The following SLIT3 variants were observed in gnomAD, a reference collection of about 807,000 sequenced individuals.
SLIT3 encodes slit homolog 3 protein.
Under a neutral mutation model 184.0 loss-of-function variants are expected in SLIT3, and 68 were observed. The ratio of observed to expected loss-of-function variants is 0.37; its 90% CI spans 0.30 to 0.45. The LOEUF is 0.45. Ranked by LOEUF, SLIT3 falls within the 20% of genes least tolerant of loss-of-function variation. The probability of loss-of-function intolerance (pLI) is 1.00; values close to 1 mark genes in which losing one functional copy is unlikely to be tolerated. For missense variants in SLIT3, 1,707 were observed against 2,026.0 expected (o/e 0.84, Z 3.02); for synonymous variants, 831 against 828.6 (o/e 1.00, Z -0.05).
At chr5:169,120,402 A>T (rs1760835469) in intron 4 of SLIT3, 2 of 152,286 alleles carry the variant, frequency 1.3e-5, no homozygotes, top group African/African-American at 4.8e-5. Flanking sequence ...CAGCAGAGAG[A>T]GAGGCTTGAA....
intron 8 of SLIT3, among the ~76,000 whole-genome samples, chr5:168,809,565 T>C (rs1757098450): frequency 6.6e-6 from 1 of 152,168 alleles, no homozygotes; most frequent in Non-Finnish European, 1.5e-5. Flanking sequence ...CCATTCCCTG[T>C]GGGCCACGGA....
chr5:168,673,756 T>C (rs922447519), intron 32 of SLIT3, among the ~76,000 whole-genome samples: 1 of 152,224 alleles, frequency 6.6e-6, no homozygotes, highest in Non-Finnish European at 1.5e-5. Flanking sequence ...CAGTTCTGCA[T>C]TGGACCCAAT....
intron 4 of SLIT3, among the ~76,000 whole-genome samples, chr5:169,069,456 G>A (rs1005324637): frequency 3.9e-5 from 6 of 152,152 alleles, no homozygotes; most frequent in African/African-American, 1.4e-4. Flanking sequence ...AGGCAGGCAG[G>A]CTGTGAGCAC....
intron 1 of SLIT3, among the ~76,000 whole-genome samples, chr5:169,267,912 C>A (rs142502069): frequency 7.7e-4 from 118 of 152,336 alleles, no homozygotes; most frequent in Non-Finnish European, 1.5e-3. Flanking sequence ...CAAGTCCAAC[C>A]AGTCACAGAG....
intron 4 of SLIT3, among the ~76,000 whole-genome samples, chr5:168,936,278 T>C (rs1297829079): frequency 6.6e-6 from 1 of 152,182 alleles, no homozygotes; most frequent in Non-Finnish European, 1.5e-5. Flanking sequence ...CTCTGTCACC[T>C]GGCTGGAGTT....
At chr5:169,175,870 C>T (rs777700495) in intron 4 of SLIT3, among the ~76,000 whole-genome samples, 4 of 152,196 alleles carry the variant, frequency 2.6e-5, no homozygotes, top group Non-Finnish European at 4.4e-5. Context: ...AGAGCCATGA[C>T]TATGTCTCCA....
intron 5 of SLIT3, among the ~76,000 whole-genome samples, chr5:168,845,963 C>T (rs1227539945): frequency 6.6e-6 from 1 of 152,106 alleles, no homozygotes; most frequent in Non-Finnish European, 1.5e-5. Flanking sequence ...CTAAACTATC[C>T]CAGGACAACT....
At chr5:168,914,100 C>T (rs1329975148) in intron 4 of SLIT3, among the ~76,000 whole-genome samples, 3 of 152,136 alleles carry the variant, frequency 2.0e-5, no homozygotes, top group African/African-American at 4.8e-5. Flanking sequence ...AGGTTGCTTC[C>T]GGTTTTCTAT....
intron 4 of SLIT3, among the ~76,000 whole-genome samples, chr5:169,186,691 G>T (rs1402328688): frequency 6.6e-6 from 1 of 152,136 alleles, no homozygotes; most frequent in Non-Finnish European, 1.5e-5. Context: ...AATTTGTGTG[G>T]GCTTGGAGCA....
chr5:168,924,159 C>T (rs1761731071), intron 4 of SLIT3, among the ~76,000 whole-genome samples: 1 of 152,234 alleles, frequency 6.6e-6, no homozygotes, highest in African/African-American at 2.4e-5. Context: ...GACCCTTCTG[C>T]TCTGTCATTT....
intron 4 of SLIT3, among the ~76,000 whole-genome samples, chr5:168,962,951 A>T (rs1055193334): frequency 2.0e-5 from 3 of 152,128 alleles, no homozygotes; most frequent in Non-Finnish European, 4.4e-5. Context: ...CTCCATCCAA[A>T]GCAAGTCTCC....
Position 168,671,409 on chromosome 5 carries a change from T to C in SLIT3, c.3916A>G (p.Ile1306Val). ...TCGTTGTTGATGCGCACCTCATGGA[T>C]GCATCCGTGGAAGCCGCCTAGAGGC... ...DRPLGGFHGC[I>V]HEVRINNELQ... The change falls in exon 34 of 36, where the codon ATC becomes GTC. Residue 1306 changes from isoleucine (I) to valine (V), a missense_variant. Coordinates refer to ENST00000519560, the MANE Select transcript of SLIT3 (RefSeq NM_003062.4). 6.2e-7 allele frequency: 1 copy of C among 1,614,050 alleles called. No homozygotes were observed. The highest frequency in any genetic ancestry group is 8.5e-7 in the Non-Finnish European group (1 of 1,179,990).
chr5:169,032,117 C>A (rs2113524894), intron 4 of SLIT3, among the ~76,000 whole-genome samples: 1 of 152,238 alleles, frequency 6.6e-6, no homozygotes, highest in African/African-American at 2.4e-5. Context: ...GGCTAATAAT[C>A]CAAACTCAGC....
chr5:168,789,762 C>T (rs891928), intron 10 of SLIT3, 131 bp from the exon 11 acceptor site: 147,214 of 698,136 alleles, frequency 0.21, 18,491 homozygotes, highest in African/African-American at 0.43. Context: ...AATTCATTTA[C>T]TCATAGTGCA....
At chr5:168,899,747 T>C (rs1581192129) in intron 4 of SLIT3, among the ~76,000 whole-genome samples, 1 of 152,210 alleles carries the variant, frequency 6.6e-6, no homozygotes, top group East Asian at 1.9e-4. Context: ...TTTAAAATCT[T>C]GGTTAAACGC....
chr5:168,782,149 G>A (rs774364067), intron 12 of SLIT3, among the ~76,000 whole-genome samples: 6 of 152,154 alleles, frequency 3.9e-5, no homozygotes, highest in African/African-American at 9.7e-5. Flanking sequence ...GGCAAACTCC[G>A]AGAGCCTCAA....
intron 4 of SLIT3, among the ~76,000 whole-genome samples, chr5:168,930,074 G>A (rs1430253414): frequency 6.6e-6 from 1 of 152,242 alleles, no homozygotes; most frequent in Non-Finnish European, 1.5e-5. Context: ...ACACAGGCCA[G>A]GGAGGTCTCA....
At chr5:168,804,320 A>AC in intron 9 of SLIT3, among the ~76,000 whole-genome samples, 1 of 149,396 alleles carries the variant, frequency 6.7e-6, no homozygotes, top group Admixed American at 6.7e-5. Context: ...CAAAAAAAAA[A>AC]AAAAAAAAAA....
At chr5:168,934,852 G>A (rs914724497) in intron 4 of SLIT3, among the ~76,000 whole-genome samples, 1 of 151,818 alleles carries the variant, frequency 6.6e-6, no homozygotes, top group Non-Finnish European at 1.5e-5. Context: ...CAAGAAGGCT[G>A]GGCGCGGTGG....
Sources: gnomAD v4.1 joint callset for allele counts (sites outside exome capture counted in the v4.1 genomes callset) on GRCh38, gnomAD v4.1.1 for gene constraint, MANE v1.5 for transcripts, NCBI Gene and HGNC (gene_info 2026-07-23, HGNC 2026-07-21) for gene names.